ATCAY: variants seen among roughly 807,000 people sequenced by gnomAD.
ATCAY encodes caytaxin.
In ATCAY, 22 loss-of-function variants were observed where a neutral mutation model predicts 47.7. The observed-to-expected ratio is 0.46, with a 90% CI of 0.33 to 0.66. The LOEUF is 0.66. ATCAY is among the 30% of genes least tolerant of loss of function. The probability of loss-of-function intolerance (pLI) is 0.02; values close to 1 mark genes in which losing one functional copy is unlikely to be tolerated. For synonymous variants in ATCAY, 216 were observed against 207.6 expected, an observed-to-expected ratio of 1.04 and a Z score of -0.35; for missense variants, 452 against 515.0, an observed-to-expected ratio of 0.88 and a Z score of 1.18.
At chr19:3,884,121 T>C (rs2038626230) in intron 1 of ATCAY, among the ~76,000 whole-genome samples, 1 of 151,800 alleles carries the variant, frequency 6.6e-6, no homozygotes, top group Admixed American at 6.6e-5. Context: ...CTGGGTGACA[T>C]ACCAAGATCA....
intron 10 of ATCAY, among the ~76,000 whole-genome samples, chr19:3,918,255 C>T (rs969130636): frequency 3.3e-5 from 5 of 151,760 alleles, no homozygotes; most frequent in African/African-American, 1.2e-4. Flanking sequence ...CGTGGTGGTG[C>T]GTGCCTGTAA....
chr19:3,923,638 AAGATGGACTGATGGAG>A (rs1165097032), intron 12 of ATCAY, among the ~76,000 whole-genome samples: 1 of 148,926 alleles, frequency 6.7e-6, no homozygotes, highest in Non-Finnish European at 1.5e-5. Context: ...GAGGGATGGA[AAGATGGACTGATGGAG>A]AGATGGATGG....
chr19:3,922,154 C>T (rs2039026539), intron 12 of ATCAY: 2 of 702,450 alleles, frequency 2.8e-6, no homozygotes, highest in African/African-American at 3.5e-5. Flanking sequence ...CATGGCTTTT[C>T]TTAGCCTCCA....
intron 2 of ATCAY, among the ~76,000 whole-genome samples, chr19:3,892,737 G>A (rs573561375): frequency 1.3e-5 from 2 of 152,040 alleles, no homozygotes; most frequent in Non-Finnish European, 1.5e-5. Context: ...GTGAAACCCC[G>A]TCTCTACTAA....
chr19:3,916,066 C>T (rs1182150444), intron 9 of ATCAY, among the ~76,000 whole-genome samples: 3 of 152,142 alleles, frequency 2.0e-5, no homozygotes, highest in African/African-American at 4.8e-5. Flanking sequence ...CACATCCCAA[C>T]CCCTGGCAGC....
At chr19:3,886,019 T>C (rs541763903) in intron 2 of ATCAY, among the ~76,000 whole-genome samples, 175 bp downstream of exon 2, 28 of 152,262 alleles carry the variant, frequency 1.8e-4, no homozygotes, top group African/African-American at 6.3e-4. Context: ...TGTGTGCGAG[T>C]CTTCTCTGTG....
chr19:3,883,273 T>G (rs1212484448), intron 1 of ATCAY, among the ~76,000 whole-genome samples: 1 of 151,426 alleles, frequency 6.6e-6, no homozygotes, highest in East Asian at 1.9e-4. Flanking sequence ...ACTCAAGAGG[T>G]GGAGGTTGCA....
intron 1 of ATCAY, among the ~76,000 whole-genome samples, chr19:3,884,995 T>TG (rs1277088725): frequency 1.4e-5 from 2 of 146,452 alleles, no homozygotes; most frequent in Non-Finnish European, 3.0e-5. Context: ...CAGCTACTGG[T>TG]GGGGGGCTGA....
At chr19:3,896,858 C>T (rs1441267646) in intron 2 of ATCAY, among the ~76,000 whole-genome samples, 3 of 151,946 alleles carry the variant, frequency 2.0e-5, no homozygotes, top group African/African-American at 7.2e-5. Context: ...CTCACTGCAA[C>T]CTCCACCTCC....
chr19:3,899,308 C>CCTTT (rs2038794976), intron 2 of ATCAY, among the ~76,000 whole-genome samples: 1 of 106,954 alleles, frequency 9.3e-6, no homozygotes, highest in Non-Finnish European at 1.8e-5. Context: ...GGGAATAAAT[C>CCTTT]TTTTTTTTTT....
At chr19:3,910,913 A>T (rs372724058) in intron 8 of ATCAY, 24 bp downstream of exon 8, 2 of 1,612,710 alleles carry the variant, frequency 1.2e-6, no homozygotes, top group Non-Finnish European at 1.7e-6. Flanking sequence ...GCTGCAACCC[A>T]AGTCCAGTGG....
chr19:3,881,872 C>A (rs11671589), intron 1 of ATCAY, among the ~76,000 whole-genome samples: 30 of 144,468 alleles, frequency 2.1e-4, no homozygotes, highest in Admixed American at 6.9e-4. Flanking sequence ...CACCGCCCCC[C>A]CCCCGACCCC....
At chr19:3,895,953 G>A (rs887765061) in intron 2 of ATCAY, among the ~76,000 whole-genome samples, 1 of 152,048 alleles carries the variant, frequency 6.6e-6, no homozygotes, top group Non-Finnish European at 1.5e-5. Context: ...CTAGTCTCAA[G>A]AGATCCTCCC....
At chr19:3,897,918 T>A (rs369161000) in intron 2 of ATCAY, among the ~76,000 whole-genome samples, 21 of 152,018 alleles carry the variant, frequency 1.4e-4, no homozygotes, top group African/African-American at 5.1e-4. Context: ...AAAAATTAAA[T>A]AAGTAAAATA....
At chr19:3,909,151 G>A (rs77251455) in intron 6 of ATCAY, among the ~76,000 whole-genome samples, 1 of 93,912 alleles carries the variant, frequency 1.1e-5, no homozygotes, top group Non-Finnish European at 2.1e-5. Flanking sequence ...GCAGGAGAAT[G>A]GCGTGAACCT....
At position 3,908,272 on chromosome 19, in the gene ATCAY, C is replaced by T. The variant is rs760195054; in HGVS notation, c.549C>T (p.Tyr183=). Residue 183 remains tyrosine, a synonymous_variant, in exon 6 of 13, where the codon TAC becomes TAT. Transcript: ENST00000450849. The stretch of plus-strand genomic sequence containing the variant: ...CGATCGGCTGCCTCTCCTCAGGGTA[C>T]TACGGCGAAGGCCTCAACGCCATCA... ...PYMKVVTHGG[Y]YGEGLNAIIV... 12 of 1,574,052 alleles carry T rather than the reference C, an allele frequency of 7.6e-6. No individual in the cohort carries two copies. Among genetic ancestry groups the T allele is most frequent in the South Asian group, 2.3e-5 (2 of 85,798 alleles).
intron 2 of ATCAY, among the ~76,000 whole-genome samples, chr19:3,899,879 G>A (rs917375962): frequency 3.3e-5 from 5 of 152,156 alleles, no homozygotes; most frequent in Non-Finnish European, 7.3e-5. Context: ...GCTTCAAGAA[G>A]TGATCTGGGG....
intron 2 of ATCAY, among the ~76,000 whole-genome samples, chr19:3,890,388 G>T (rs908119052): frequency 7.1e-6 from 1 of 141,750 alleles, no homozygotes; most frequent in African/African-American, 2.6e-5. Context: ...TCAGCCTCCC[G>T]AGTAGCTGGG....
rs199717917 is a variant in ATCAY at position 3,881,863 on chromosome 19, A to AC, written c.-42+857dup. 9.6e-3 allele frequency among the ~76,000 whole-genome samples: 960 copies of AC among 99,944 alleles called. 19 individuals carry two copies. Among genetic ancestry groups the AC allele is most frequent in the African/African-American group, 0.021 (402 of 19,590 alleles). 65.6% of individuals were successfully genotyped at this position (99,944 alleles called of 152,430 possible). A position where few individuals can be genotyped will look rare whatever the true frequency, so the allele number is the denominator to read the frequency against. On this transcript the variant is annotated intron_variant, in intron 1 of 12. Transcript: ENST00000450849. ...GGGAAGGGCCTGGCTGGCTGCTGCCACCGCCCCCCCCCCGACCCCATAGCA... is the reference window on the plus strand; with the variant it reads ...GGGAAGGGCCTGGCTGGCTGCTGCCACCCGCCCCCCCCCCGACCCCATAGCA...
Sources: gnomAD v4.1 joint callset for allele counts (sites outside exome capture counted in the v4.1 genomes callset) on GRCh38, gnomAD v4.1.1 for gene constraint, MANE v1.5 for transcripts, NCBI Gene and HGNC (gene_info 2026-07-23, HGNC 2026-07-21) for gene names.